ABLIM1: variants seen among roughly 807,000 people sequenced by gnomAD.
The protein encoded by ABLIM1 is actin binding LIM protein 1.
A neutral mutation model predicts 107.0 loss-of-function variants in ABLIM1; 40 were observed. That is an observed-to-expected ratio of 0.37 (90% confidence interval 0.29 to 0.49). The LOEUF (loss-of-function observed/expected upper bound fraction) is 0.49, where lower values mean the gene tolerates loss of function less well. Ranked by LOEUF, ABLIM1 falls within the 20% of genes least tolerant of loss-of-function variation. The pLI, the probability that ABLIM1 is intolerant of heterozygous loss-of-function variation, is 0.97. For missense variants in ABLIM1, 857 were observed against 1,008.5 expected (o/e 0.85, Z 2.04); for synonymous variants, 357 against 357.3 (o/e 1.00, Z 0.01).
At chr10:114,754,549 A>T (rs1357586595) in intron 1 of ABLIM1, among the ~76,000 whole-genome samples, 2 of 152,234 alleles carry the variant, frequency 1.3e-5, no homozygotes, top group East Asian at 3.8e-4. Context: ...TCAGAGGAAG[A>T]ACAGAGTCCA....
At chr10:114,661,740 T>C (rs1366388430), upstream of ABLIM1, among the ~76,000 whole-genome samples, 1 of 152,230 alleles carries the variant, frequency 6.6e-6, no homozygotes. Context: ...TCTTATCAGA[T>C]AGGAAATTCC....
chr10:114,632,128 T>A (rs1238002082), intron 1 of ABLIM1: 1 of 985,166 alleles, frequency 1.0e-6, no homozygotes, highest in Non-Finnish European at 1.2e-6. Flanking sequence ...GCCCCCGCGC[T>A]CTTCTCCGCC....
chr10:114,663,352 G>A (rs971775734), intron 1 of ABLIM1, among the ~76,000 whole-genome samples: 1 of 152,138 alleles, frequency 6.6e-6, no homozygotes, highest in African/African-American at 2.4e-5. Flanking sequence ...TATTTCCCCT[G>A]CCAGCTGCTA....
chr10:114,553,816 T>C (rs2137940564), intron 4 of ABLIM1, among the ~76,000 whole-genome samples: 1 of 152,282 alleles, frequency 6.6e-6, no homozygotes, highest in African/African-American at 2.4e-5. Flanking sequence ...GGTAGGTGAA[T>C]GAGAAGACAG....
upstream of ABLIM1, among the ~76,000 whole-genome samples, chr10:114,769,172 GAA>G (rs35691537): frequency 0.39 from 17,663 of 45,854 alleles, 2,154 homozygotes; most frequent in Non-Finnish European, 0.42. Flanking sequence ...TGTCTTCAAT[GAA>G]AAAAAAAAAA....
chr10:114,772,973 C>A (rs2083041789), upstream of ABLIM1, among the ~76,000 whole-genome samples: 1 of 151,850 alleles, frequency 6.6e-6, no homozygotes, highest in Admixed American at 6.6e-5. Flanking sequence ...AACAGACAAA[C>A]AGAACCAAAG....
chr10:114,745,119 A>G (rs1050702368), intron 1 of ABLIM1, among the ~76,000 whole-genome samples: 2 of 151,938 alleles, frequency 1.3e-5, no homozygotes, highest in Non-Finnish European at 2.9e-5. Context: ...TATGCCACTA[A>G]TTGGTCTGCT....
chr10:114,490,974 A>ATGTGTGTGTGTGTGTGTGTGTGTGTG (rs140256636), intron 7 of ABLIM1, among the ~76,000 whole-genome samples: 4 of 99,274 alleles, frequency 4.0e-5, no homozygotes, highest in African/African-American at 1.6e-4. Context: ...CGGCATATAT[A>ATGTGTGTGTGTGTGTGTGTGTGTGTG]TGTGTGTGTG....
chr10:114,722,818 C>T (rs1055000898), intron 1 of ABLIM1, among the ~76,000 whole-genome samples: 5 of 152,190 alleles, frequency 3.3e-5, no homozygotes, highest in Admixed American at 2.6e-4. Flanking sequence ...AGTTCTTTTC[C>T]CTTTTTCCCT....
chr10:114,610,405 C>T (rs1009175941), intron 1 of ABLIM1, among the ~76,000 whole-genome samples: 1 of 152,188 alleles, frequency 6.6e-6, no homozygotes, highest in African/African-American at 2.4e-5. Context: ...GAGTCCTATT[C>T]TCATGGCAGT....
Position 114,472,921 on chromosome 10 carries a change from G to A in ABLIM1, c.1275+56C>T, listed in dbSNP as rs560633326. On this transcript the variant is annotated intron_variant, in intron 10 of 22. Coordinates refer to ENST00000533213, the MANE Select transcript of ABLIM1 (RefSeq NM_002313.7). ...ACTCCAAATGGTAGTTATTACAAATGTGACAAAAGGGAAGGTAAATTGTTG... is the reference window on the plus strand; with the variant it reads ...ACTCCAAATGGTAGTTATTACAAATATGACAAAAGGGAAGGTAAATTGTTG... 5.5e-6 allele frequency: 8 copies of A among 1,450,404 alleles called. No homozygotes were observed. In the African/African-American group the frequency reaches 8.6e-5, roughly 16 times the overall value. The allele number at this position is 1,450,404 out of a possible 1,614,324, so 89.8% of individuals were successfully genotyped here.
At chr10:114,559,272 T>G (rs954833258) in intron 4 of ABLIM1, among the ~76,000 whole-genome samples, 1 of 151,726 alleles carries the variant, frequency 6.6e-6, no homozygotes, top group Non-Finnish European at 1.5e-5. Flanking sequence ...CATGGTATGC[T>G]CTCAGAAAAG....
intron 21 of ABLIM1, 121 bp from the exon 22 acceptor site, chr10:114,438,045 G>T: frequency 1.1e-6 from 1 of 891,258 alleles, no homozygotes. Flanking sequence ...GACAGAATTC[G>T]AGTGATGGGT....
intron 15 of ABLIM1, among the ~76,000 whole-genome samples, chr10:114,447,462 A>G (rs1055380989): frequency 1.3e-5 from 2 of 152,230 alleles, no homozygotes; most frequent in Non-Finnish European, 2.9e-5. Context: ...GAAATAGTCT[A>G]AAACAAATTT....
chr10:114,710,920 T>C (rs759073187), intron 1 of ABLIM1, among the ~76,000 whole-genome samples: 3 of 152,220 alleles, frequency 2.0e-5, no homozygotes, highest in Non-Finnish European at 4.4e-5. Flanking sequence ...CTTTGGAGCA[T>C]TTGCTTATCC....
chr10:114,557,922 A>G lies in ABLIM1; in HGVS notation c.674-10146T>C, dbSNP rs1305006043. Reference sequence around the variant, plus strand: ...GATGCCAGACCCCTCATTCATCATGATTGCTTCCTTACCCCCTCCTTAGTT... The same window carrying G: ...GATGCCAGACCCCTCATTCATCATGGTTGCTTCCTTACCCCCTCCTTAGTT... On this transcript the variant is annotated intron_variant, in intron 4 of 22. Transcript: ENST00000533213. 6.0e-5 allele frequency among the ~76,000 whole-genome samples: 9 copies of G among 150,134 alleles called. 1 individual carries two copies. The East Asian group carries it at 1.8e-3, about 29-fold the overall frequency.
chr10:114,777,276 T>A, the ABLIM1 span, among the ~76,000 whole-genome samples: 87,516 of 152,014 alleles, frequency 0.58, 25,624 homozygotes, highest in Non-Finnish European at 0.64. Context: ...GTGTTTTTGA[T>A]TCTTTCTAGT....
At chr10:114,738,781 T>TA (rs201109393) in intron 1 of ABLIM1, among the ~76,000 whole-genome samples, 8,468 of 144,892 alleles carry the variant, frequency 0.058, 283 homozygotes, top group African/African-American at 0.085. Flanking sequence ...TGAGGCACGA[T>TA]AAAAAAAAAA....
At position 114,619,679 on chromosome 10, in the gene ABLIM1, G is replaced by A. The variant is rs1306854790; in HGVS notation, c.245-17718C>T. On this transcript the variant is annotated intron_variant, in intron 1 of 22. Coordinates refer to ENST00000533213, the MANE Select transcript of ABLIM1 (RefSeq NM_002313.7). This position sits in a 1 kb window ranked among gnomAD's most constrained non-coding sequence, Gnocchi z 4.1. ...TGTGATACAAAAGCAAGGAAACAAG[G>A]TAAGCGTGGTGAACACAAAGAGGAG... Among the ~76,000 whole-genome samples the A allele has an allele frequency of 1.3e-5, 2 of 152,174 alleles. No individual in the cohort carries two copies. The highest frequency in any genetic ancestry group is 2.9e-5 in the Non-Finnish European group (2 of 68,038).
Sources: allele counts gnomAD v4.1 joint callset (sites outside exome capture counted in the v4.1 genomes callset), GRCh38; gene constraint gnomAD v4.1.1; non-coding constraint Gnocchi (gnomAD v3.1); transcripts MANE v1.5; gene names NCBI Gene and HGNC (gene_info 2026-07-23, HGNC 2026-07-21).